The following DENND10 variants were observed in gnomAD, a reference collection of about 807,000 sequenced individuals.
The protein encoded by DENND10 is DENN domain-containing protein 10.
DENND10 carries 24 observed loss-of-function variants against 43.6 expected under a neutral mutation model. That is an observed-to-expected ratio of 0.55 (90% CI 0.40 to 0.77). The LOEUF (loss-of-function observed/expected upper bound fraction) is 0.77. Among genes scored for constraint, DENND10 ranks in the 30% least tolerant of loss-of-function variants. DENND10 has a pLI of 0.00. For synonymous variants in DENND10, 125 were observed against 157.6 expected (o/e 0.79, Z 1.55); for missense variants, 303 against 429.9 (o/e 0.70, Z 2.61).
rs1194889401 is a variant in DENND10 at position 119,136,651 on chromosome 10, T to G, written c.*4T>G. 18 of 1,423,658 alleles carry G rather than the reference T, an allele frequency of 1.3e-5. No individual in the cohort carries two copies. The highest frequency in any genetic ancestry group is 1.7e-5 in the Non-Finnish European group (18 of 1,050,062). The allele number at this position is 1,423,658 out of a possible 1,614,324, so 88.2% of individuals were successfully genotyped here. A position where few individuals can be genotyped will look rare whatever the true frequency, so the allele number is the denominator to read the frequency against. ...CGAACAAATGCTGAAAATCTGACTGTGTGACAGAACGTATCACTGATGACT... is the reference window on the plus strand; with the variant it reads ...CGAACAAATGCTGAAAATCTGACTGGGTGACAGAACGTATCACTGATGACT... On this transcript the variant is annotated 3_prime_UTR_variant, in exon 9 of 9. Transcript: ENST00000361432.
At chr10:119,121,074 C>T (rs1472835197) in intron 5 of DENND10, among the ~76,000 whole-genome samples, 1 of 151,884 alleles carries the variant, frequency 6.6e-6, no homozygotes, top group Non-Finnish European at 1.5e-5. Context: ...CTTGGCCTCC[C>T]AAAGTGCTGG....
intron 6 of DENND10, among the ~76,000 whole-genome samples, chr10:119,124,315 C>T (rs1249009898): frequency 6.9e-6 from 1 of 143,948 alleles, no homozygotes; most frequent in African/African-American, 2.6e-5. Flanking sequence ...TGCCTGAGCT[C>T]AGGAGTTTGA....
At chr10:119,106,002 G>A (rs1844679437) in intron 1 of DENND10, among the ~76,000 whole-genome samples, 4 of 152,128 alleles carry the variant, frequency 2.6e-5, no homozygotes, top group Admixed American at 2.6e-4. Flanking sequence ...TGATCAGCCT[G>A]GCCAATATAG....
At position 119,117,586 on chromosome 10, in the gene DENND10, A is replaced by G. The variant is rs1845351683; in HGVS notation, c.400A>G (p.Ile134Val). The change falls in exon 4 of 9, where the codon ATA (isoleucine) becomes GTA (valine). Residue 134 changes from isoleucine (I) to valine (V), a missense_variant. Ile to Val is a conservative substitution (Grantham distance 29). Coordinates refer to ENST00000361432, the MANE Select transcript of DENND10 (RefSeq NM_207009.4). ...TTATATTGCAGTTCTCACAAAGGGGATATGCCAGAGTGAAGAAAACGGCTC... is the reference window on the plus strand; with the variant it reads ...TTATATTGCAGTTCTCACAAAGGGGGTATGCCAGAGTGAAGAAAACGGCTC... Reference protein sequence around the residue: ...ESYIAVLTKGICQSEENGSFL... With the variant: ...ESYIAVLTKGVCQSEENGSFL... 1 of 1,613,904 alleles carries G rather than the reference A, an allele frequency of 6.2e-7. No homozygotes were observed. The highest frequency in any genetic ancestry group is 1.1e-5 in the South Asian group (1 of 91,086).
At chr10:119,133,311 C>G (rs891432241) in intron 8 of DENND10, 10 of 152,468 alleles carry the variant, frequency 6.6e-5, no homozygotes, top group African/African-American at 2.2e-4. Context: ...TGACTCATAA[C>G]CTGGGGCTGG....
chr10:119,121,070 C>T (rs898932426), intron 5 of DENND10, among the ~76,000 whole-genome samples: 2 of 151,890 alleles, frequency 1.3e-5, no homozygotes, highest in African/African-American at 4.8e-5. Flanking sequence ...ATGCCTTGGC[C>T]TCCCAAAGTG....
intron 7 of DENND10, among the ~76,000 whole-genome samples, chr10:119,130,849 G>A (rs772348290): frequency 1.1e-4 from 16 of 152,156 alleles, no homozygotes; most frequent in African/African-American, 2.2e-4. Context: ...TGAGTGACCC[G>A]AGAGAGAAAA....
intron 5 of DENND10, among the ~76,000 whole-genome samples, chr10:119,120,954 T>C (rs1845545247): frequency 6.6e-6 from 1 of 152,154 alleles, no homozygotes; most frequent in African/African-American, 2.4e-5. Flanking sequence ...ACTCTTACTT[T>C]GATAGTACAT....
chr10:119,111,795 A>T lies in DENND10; in HGVS notation c.253-54A>T, dbSNP rs1844988194. 5.2e-6 allele frequency: 7 copies of T among 1,355,476 alleles called. No individual in the cohort carries two copies. The African/African-American group carries it at 1.0e-4, about 20-fold the overall frequency. The allele number at this position is 1,355,476 out of a possible 1,614,324, so 84.0% of individuals were successfully genotyped here. ...GGTTTGTTAGAATATAGTAATAAAA[A>T]TTCTGCTAAAGTGTATTTAAAAAGT... On this transcript the variant is annotated intron_variant, in intron 2 of 8. Coordinates refer to ENST00000361432, the MANE Select transcript of DENND10 (RefSeq NM_207009.4).
chr10:119,118,896 T>C (rs1485759902), intron 4 of DENND10, among the ~76,000 whole-genome samples: 2 of 143,920 alleles, frequency 1.4e-5, no homozygotes, highest in Non-Finnish European at 3.0e-5. Context: ...CAGGCTGGAG[T>C]GCAGTGGCAC....
At chr10:119,117,788 A>C (rs1845365381) in intron 4 of DENND10, 121 bp downstream of exon 4, 6 of 926,348 alleles carry the variant, frequency 6.5e-6, no homozygotes, top group Non-Finnish European at 9.5e-6. Flanking sequence ...TAACATGGTG[A>C]AACCTCGTCT....
At chr10:119,123,707 T>C in intron 6 of DENND10, 138 bp downstream of exon 6, 1 of 675,986 alleles carries the variant, frequency 1.5e-6, no homozygotes, top group Non-Finnish European at 2.6e-6. Context: ...CCTTCAATTC[T>C]CCTGCCTTAG....
chr10:119,116,103 G>A (rs1845259579), intron 3 of DENND10, among the ~76,000 whole-genome samples: 1 of 151,952 alleles, frequency 6.6e-6, no homozygotes, highest in South Asian at 2.1e-4. Context: ...TTTTCTTCCC[G>A]ATTTTCTATC....
intron 6 of DENND10, 68 bp from the exon 7 acceptor site, chr10:119,129,447 C>A (rs1845983394): frequency 2.0e-6 from 2 of 1,009,112 alleles, no homozygotes; most frequent in South Asian, 1.3e-5. Context: ...GCTTTTAGAC[C>A]CAATTCTTTT....
chr10:119,124,670 T>C (rs10886393), intron 6 of DENND10, among the ~76,000 whole-genome samples: 151,415 of 152,250 alleles, frequency 0.99, 75,300 homozygotes, highest in East Asian at 1. Flanking sequence ...AGGTGTCAGC[T>C]GCTACGCACA....
chr10:119,119,542 G>A (rs545953123), intron 4 of DENND10, among the ~76,000 whole-genome samples: 7 of 152,106 alleles, frequency 4.6e-5, no homozygotes, highest in African/African-American at 1.4e-4. Context: ...CTCCCAAAGC[G>A]CTGGGATTAC....
intron 6 of DENND10, among the ~76,000 whole-genome samples, chr10:119,126,585 C>T (rs758060043): frequency 1.1e-4 from 17 of 152,276 alleles, no homozygotes; most frequent in Non-Finnish European, 1.9e-4. Context: ...TTATCTCAGC[C>T]TCCTGAGTAG....
At chr10:119,111,644 C>A (rs1844982015) in intron 2 of DENND10, among the ~76,000 whole-genome samples, 1 of 151,872 alleles carries the variant, frequency 6.6e-6, no homozygotes, top group Admixed American at 6.6e-5. Flanking sequence ...ATATTGCATT[C>A]TTATGTAGGA....
rs1360965126 is a variant in DENND10 at position 119,129,581 on chromosome 10, A to G, written c.761A>G (p.Asn254Ser). Residue 254 changes from asparagine (N) to serine (S), a missense_variant, in exon 7 of 9, where the codon AAT becomes AGT. By Grantham distance (46) the Asn-to-Ser change is conservative (BLOSUM62 1). Coordinates refer to ENST00000361432, the MANE Select transcript of DENND10 (RefSeq NM_207009.4). Reference protein sequence around the residue: ...NRPDLYDVFVNLAESEITIAP... With the variant: ...NRPDLYDVFVSLAESEITIAP... ...CCAGACCTCTATGATGTGTTTGTGA[A>G]TCTGGCAGAGAGTGAGATTACCATT... is the stretch of plus-strand genomic sequence containing the variant. 1 of 1,613,684 alleles carries G rather than the reference A, an allele frequency of 6.2e-7. No individual in the cohort carries two copies. Among genetic ancestry groups the G allele is most frequent in the South Asian group, 1.1e-5 (1 of 91,062 alleles).
Sources: gnomAD v4.1 joint callset for allele counts (sites outside exome capture counted in the v4.1 genomes callset) on GRCh38, gnomAD v4.1.1 for gene constraint, MANE v1.5 for transcripts, NCBI Gene and HGNC (gene_info 2026-07-23, HGNC 2026-07-21) for gene names.